The following DGKB variants were observed in gnomAD, a reference collection of about 807,000 sequenced individuals.
The protein encoded by DGKB is diacylglycerol kinase beta.
In DGKB, 67 loss-of-function variants were observed where a neutral mutation model predicts 114.3. The ratio of observed to expected loss-of-function variants is 0.59; its 90% CI spans 0.48 to 0.72. The LOEUF is 0.72. DGKB is among the 30% of genes least tolerant of loss of function. DGKB has a pLI of 0.00. For synonymous variants in DGKB, 398 were observed against 323.1 expected (o/e 1.23, Z -2.49); for missense variants, 907 against 975.2 (o/e 0.93, Z 0.93).
At chr7:14,578,353 G>A (rs1799464436) in intron 19 of DGKB, among the ~76,000 whole-genome samples, 1 of 152,116 alleles carries the variant, frequency 6.6e-6, no homozygotes, top group Non-Finnish European at 1.5e-5. Context: ...TATCGGTTTA[G>A]CACGAGAACC....
At chr7:14,692,081 G>A (rs1170341508) in intron 9 of DGKB, among the ~76,000 whole-genome samples, 4 of 151,928 alleles carry the variant, frequency 2.6e-5, no homozygotes, top group Admixed American at 2.6e-4. Context: ...AAATCATATA[G>A]ATTTGTGGAC....
At chr7:14,881,814 AG>A (rs1359359719) in intron 1 of DGKB, among the ~76,000 whole-genome samples, 3 of 152,134 alleles carry the variant, frequency 2.0e-5, no homozygotes, top group Non-Finnish European at 2.9e-5. Context: ...TTTGTCCAAA[AG>A]AAAAACAAAT....
At chr7:14,696,944 G>A (rs1184203366) in intron 8 of DGKB, among the ~76,000 whole-genome samples, 3 of 152,196 alleles carry the variant, frequency 2.0e-5, no homozygotes, top group Non-Finnish European at 4.4e-5. Context: ...GATGTGAACA[G>A]AGGTTAAATA....
At chr7:14,401,385 C>T (rs183466485) in intron 21 of DGKB, among the ~76,000 whole-genome samples, 2 of 151,910 alleles carry the variant, frequency 1.3e-5, no homozygotes, top group Non-Finnish European at 2.9e-5. Flanking sequence ...CCAACATAAC[C>T]ACAGTAAATA....
intron 2 of DGKB, among the ~76,000 whole-genome samples, chr7:14,825,012 G>GTATGTATATATATATATATA (rs1845470138): frequency 1.6e-5 from 1 of 60,844 alleles, no homozygotes; most frequent in African/African-American, 8.7e-5. Flanking sequence ...ATATGTATGT[G>GTATGTATATATATATATATA]TATGTATATA....
At chr7:14,425,207 C>T (rs1192667992) in intron 21 of DGKB, among the ~76,000 whole-genome samples, 1 of 151,956 alleles carries the variant, frequency 6.6e-6, no homozygotes, top group Non-Finnish European at 1.5e-5. Flanking sequence ...AATGTCCATG[C>T]TTGATCATTG....
intron 16 of DGKB, among the ~76,000 whole-genome samples, chr7:14,608,313 ATAAATAGAAT>A (rs944148876): frequency 6.6e-6 from 1 of 152,112 alleles, no homozygotes; most frequent in East Asian, 1.9e-4. Flanking sequence ...GATTCACCAC[ATAAATAGAAT>A]TAAAAGCCAA....
intron 12 of DGKB, 131 bp downstream of exon 12, chr7:14,682,422 G>A (rs1289725685): frequency 1.5e-6 from 1 of 660,888 alleles, no homozygotes; most frequent in Non-Finnish European, 2.7e-6. Context: ...AAGCTGAAAT[G>A]AGAAGTTTCC....
intron 20 of DGKB, among the ~76,000 whole-genome samples, chr7:14,553,907 CT>C (rs1795485136): frequency 8.4e-6 from 1 of 118,368 alleles, no homozygotes; most frequent in Non-Finnish European, 1.6e-5. Context: ...GAGTCTCGCT[CT>C]GTCGCCCAGG....
intron 1 of DGKB, among the ~76,000 whole-genome samples, chr7:14,926,365 G>T (rs1784752940): frequency 6.6e-6 from 1 of 151,778 alleles, no homozygotes; most frequent in Non-Finnish European, 1.5e-5. Flanking sequence ...TATATAATGA[G>T]TCATTTTTGA....
At chr7:14,362,870 C>G (rs1433121668) in intron 21 of DGKB, among the ~76,000 whole-genome samples, 1 of 152,106 alleles carries the variant, frequency 6.6e-6, no homozygotes, top group Non-Finnish European at 1.5e-5. Context: ...TGAGACTGTG[C>G]TGCTGCTTCT....
intron 21 of DGKB, among the ~76,000 whole-genome samples, chr7:14,470,441 C>T (rs370062331): frequency 8.0e-4 from 121 of 151,886 alleles, no homozygotes; most frequent in African/African-American, 2.7e-3. Flanking sequence ...AAAGTGAGGT[C>T]AAATACCTGA....
In DGKB at chr7:14,338,647, G is replaced by C; in HGVS notation, c.1990C>G (p.Pro664Ala). 1 of 1,603,884 alleles carries C rather than the reference G, an allele frequency of 6.2e-7. No individual in the cohort carries two copies. Among genetic ancestry groups the C allele is most frequent in the South Asian group, 1.1e-5 (1 of 89,780 alleles). Residue 664 changes from proline (P) to alanine (A), a missense_variant, in exon 23 of 26, where the codon CCA becomes GCA. Pro to Ala is a conservative substitution (Grantham distance 27). Transcript: ENST00000402815. ...SLEGIAILNI[P>A]SMHGGSNLWG... ...AGATTGGATCCTCCATGCATGCTTG[G>C]TATATTCAAAATAGCAATTCCTTCC...
At position 14,847,397 on chromosome 7, in the gene DGKB, G is replaced by A. The variant is rs73281911; in HGVS notation, c.-187-5947C>T. Reference sequence around the variant, plus strand: ...TCCAACAGAAAAAAATCCTAGGGATGGGAAAGGATGCAGAGCCAAAATAAA... The same window carrying A: ...TCCAACAGAAAAAAATCCTAGGGATAGGAAAGGATGCAGAGCCAAAATAAA... On this transcript the variant is annotated intron_variant, in intron 1 of 25. Transcript: ENST00000402815. Among the ~76,000 whole-genome samples the A allele has an allele frequency of 2.0e-3, 306 of 152,074 alleles. 3 individuals carry two copies. The highest frequency in any genetic ancestry group is 6.6e-3 in the African/African-American group (276 of 41,522).
At chr7:14,377,361 AAGAG>A (rs946386517) in intron 21 of DGKB, among the ~76,000 whole-genome samples, 2 of 152,204 alleles carry the variant, frequency 1.3e-5, no homozygotes, top group Non-Finnish European at 2.9e-5. Flanking sequence ...CTAAGCTCTT[AAGAG>A]AGAAAGAAAA....
At chr7:14,249,269 T>A (rs989893478) in intron 23 of DGKB, among the ~76,000 whole-genome samples, 1 of 152,144 alleles carries the variant, frequency 6.6e-6, no homozygotes, top group Non-Finnish European at 1.5e-5. Context: ...AGTTTTTGCA[T>A]CTATGTTCAT....
intron 1 of DGKB, among the ~76,000 whole-genome samples, chr7:14,877,989 C>G (rs1385873274): frequency 6.6e-6 from 1 of 151,060 alleles, no homozygotes; most frequent in Non-Finnish European, 1.5e-5. Flanking sequence ...GACAATAATT[C>G]TTATAGAAGG....
intron 2 of DGKB, among the ~76,000 whole-genome samples, chr7:14,803,317 G>A (rs7789696): frequency 0.44 from 67,481 of 151,824 alleles, 18,044 homozygotes; most frequent in African/African-American, 0.75. Context: ...TGGGTCTCCA[G>A]ATACAAGGAT....
At chr7:14,904,227 C>T (rs531016900), upstream of DGKB, among the ~76,000 whole-genome samples, 60 of 152,054 alleles carry the variant, frequency 3.9e-4, 1 homozygote, top group African/African-American at 1.3e-3. Flanking sequence ...AATACACACA[C>T]ACACACACAC....
Sources: gnomAD v4.1 joint callset for allele counts (sites outside exome capture counted in the v4.1 genomes callset) on GRCh38, gnomAD v4.1.1 for gene constraint, MANE v1.5 for transcripts, NCBI Gene and HGNC (gene_info 2026-07-23, HGNC 2026-07-21) for gene names.